The following BCAM variants were observed in gnomAD, a reference collection of about 807,000 sequenced individuals.
BCAM encodes the protein basal cell adhesion molecule (Lutheran blood group).
A neutral mutation model predicts 72.4 loss-of-function variants in BCAM; 61 were observed. The observed-to-expected ratio is 0.84, with a 90% confidence interval of 0.69 to 1.04. The LOEUF is 1.04. Ranked by LOEUF, BCAM falls within the 50% of genes least tolerant of loss-of-function variation. BCAM has a pLI of 0.00. For missense variants in BCAM, 909 were observed against 895.0 expected (o/e 1.02, Z -0.20); for synonymous variants, 408 against 384.2 (o/e 1.06, Z -0.73).
chr19:44,811,446 C>T, intron 2 of BCAM, 100 bp downstream of exon 2: 1 of 1,563,932 alleles, frequency 6.4e-7, no homozygotes, highest in Non-Finnish European at 8.7e-7. Flanking sequence ...TCCACCAAGC[C>T]ACACTCCTTG....
chr19:44,814,552 C>A lies in BCAM; in HGVS notation c.922-52C>A. The A allele has an allele frequency of 1.3e-6, 2 of 1,588,168 alleles. No individual in the cohort carries two copies. The highest frequency in any genetic ancestry group is 1.7e-6 in the Non-Finnish European group (2 of 1,164,386). The stretch of plus-strand genomic sequence containing the variant: ...TGGTGGCTTCTGACCTAGCATGAGC[C>A]CGCTGAACCGGGGTGGCTTCTGAGC... On this transcript the variant is annotated intron_variant, in intron 7 of 14. Coordinates refer to ENST00000270233, the MANE Select transcript of BCAM (RefSeq NM_005581.5). This position sits in a 1 kb window ranked among gnomAD's most constrained non-coding sequence, Gnocchi z 4.6.
At position 44,821,315 on chromosome 19, in the gene BCAM, C is replaced by T. The variant is rs866489052; in HGVS notation, c.*394C>T. 14 of 202,856 alleles carry T rather than the reference C, an allele frequency of 6.9e-5. No individual in the cohort carries two copies. The highest frequency in any genetic ancestry group is 1.5e-4 in the South Asian group (1 of 6,474). 12.6% of individuals were successfully genotyped at this position (202,856 alleles called of 1,614,324 possible). On this transcript the variant is annotated 3_prime_UTR_variant, in exon 15 of 15. Coordinates refer to ENST00000270233, the MANE Select transcript of BCAM (RefSeq NM_005581.5). The stretch of plus-strand genomic sequence containing the variant: ...AGAGTCTGACACTGGATTCCCCCCC[C>T]TCACCCCGCCCCTGGTCCCACTCCT...
At chr19:44,820,210 TCA>T in intron 13 of BCAM, 11 of 947,040 alleles carry the variant, frequency 1.2e-5, no homozygotes, top group Non-Finnish European at 1.3e-5. Context: ...CCCCCTGAGC[TCA>T]CCCTTAACTC....
intron 8 of BCAM, among the ~76,000 whole-genome samples, chr19:44,816,958 C>T (rs984557125): frequency 1.2e-4 from 18 of 150,616 alleles, no homozygotes; most frequent in South Asian, 6.3e-4. Context: ...AGAAATTGGC[C>T]GGGCACGGTG....
intron 8 of BCAM, among the ~76,000 whole-genome samples, chr19:44,817,174 T>C (rs1968513448): frequency 1.3e-5 from 2 of 152,034 alleles, no homozygotes; most frequent in Admixed American, 1.3e-4. Context: ...GAGGCAGAGC[T>C]TGCAGTGAGC....
In BCAM at chr19:44,813,431, C is replaced by G. The variant is rs774307982; in HGVS notation, c.602-7C>G. On this transcript the variant is annotated splice_region_variant and splice_polypyrimidine_tract_variant and intron_variant, in intron 5 of 14. Coordinates refer to ENST00000270233, the MANE Select transcript of BCAM (RefSeq NM_005581.5). The surrounding 1 kb of genome is among the most constrained non-coding windows in gnomAD (Gnocchi z 4.2). Reference sequence around the variant, plus strand: ...GGCTGACTGCCACCTCCCCCGATCTCTCCCAGAGGGCTACATGACCAGCCG... The same window carrying G: ...GGCTGACTGCCACCTCCCCCGATCTGTCCCAGAGGGCTACATGACCAGCCG... 58 of 1,610,320 alleles carry G rather than the reference C, an allele frequency of 3.6e-5. No individual in the cohort carries two copies. Among genetic ancestry groups the G allele is most frequent in the Non-Finnish European group, 4.7e-5 (56 of 1,179,060 alleles).
rs1968525053 is a variant in BCAM, at chr19:44,818,019, C to A, written c.1079-503C>A. Among the ~76,000 whole-genome samples, 1 of 152,188 alleles carries A rather than the reference C, an allele frequency of 6.6e-6. No individual in the cohort carries two copies. Reference sequence around the variant, plus strand: ...GATAAAGACTTGCTGAGGCCAGGAGCAGGGGCTCACGCCTGTGATCCTAGC... The same window carrying A: ...GATAAAGACTTGCTGAGGCCAGGAGAAGGGGCTCACGCCTGTGATCCTAGC... On this transcript the variant is annotated intron_variant, in intron 8 of 14. Transcript: ENST00000270233. The surrounding 1 kb of genome is among the most constrained non-coding windows in gnomAD (Gnocchi z 4.6).
Position 44,812,407 on chromosome 19 carries a change from C to G in BCAM, c.433+16C>G, listed in dbSNP as rs1968436839. ...AACGTGTTTGGTAAGTGTCCTCGGG[C>G]ATCCCCCGAAGGGAGGCAGGCAGGG... On this transcript the variant is annotated intron_variant, in intron 3 of 14. Coordinates refer to ENST00000270233, the MANE Select transcript of BCAM (RefSeq NM_005581.5). This position sits in a 1 kb window ranked among gnomAD's most constrained non-coding sequence, Gnocchi z 5.3. 1 of 1,613,924 alleles carries G rather than the reference C, an allele frequency of 6.2e-7. No homozygotes were observed.
rs574305977 is a variant in BCAM, at chr19:44,809,884, G to T, written c.82+678G>T. 2.1e-4 allele frequency among the ~76,000 whole-genome samples: 32 copies of T among 151,430 alleles called. No individual in the cohort carries two copies. The East Asian group carries it at 5.1e-3, about 24-fold the overall frequency. On this transcript the variant is annotated intron_variant, in intron 1 of 14. Transcript: ENST00000270233. Reference sequence around the variant, plus strand: ...CCGGGGGCTGGGGGGTGGGGGTGGGGGTGCTGGGGACAGAGGGACAGAGAG... The same window carrying T: ...CCGGGGGCTGGGGGGTGGGGGTGGGTGTGCTGGGGACAGAGGGACAGAGAG...
At chr19:44,820,555 C>A in intron 13 of BCAM, 150 bp from the exon 14 acceptor site, 1 of 1,290,948 alleles carries the variant, frequency 7.7e-7, no homozygotes, top group East Asian at 3.2e-5. Context: ...CAGCCCCTAC[C>A]CCATCCCTAT....
Position 44,821,155 on chromosome 19 carries a change from C to T in BCAM, c.*234C>T, listed in dbSNP as rs544318446. On this transcript the variant is annotated 3_prime_UTR_variant, in exon 15 of 15. Transcript: ENST00000270233. ...GGGGGCCTTCCTCCAGGGAATGTGA[C>T]TCTCCCAGGCCCCAGAATAGCTCCT... 58 of 538,546 alleles carry T rather than the reference C, an allele frequency of 1.1e-4. 1 individual carries two copies. The South Asian group carries it at 1.7e-3, about 16-fold the overall frequency. 33.4% of individuals were successfully genotyped at this position (538,546 alleles called of 1,614,324 possible).
chr19:44,814,133 C>G lies in BCAM; in HGVS notation c.785-19C>G. On this transcript the variant is annotated intron_variant, in intron 6 of 14. Coordinates refer to ENST00000270233, the MANE Select transcript of BCAM (RefSeq NM_005581.5). The surrounding 1 kb of genome is among the most constrained non-coding windows in gnomAD (Gnocchi z 4.6). ...CCCTTCCCCTGATCACAATTCCCAT[C>G]TCCCTGCCCTTCCCTTAGATCCCAC... The G allele has an allele frequency of 6.4e-7, 1 of 1,569,024 alleles. No homozygotes were observed. Among genetic ancestry groups the G allele is most frequent in the Non-Finnish European group, 8.6e-7 (1 of 1,165,186 alleles).
rs558083496 is a variant in BCAM, at chr19:44,813,773, C to T, written c.784+153C>T. ...GCTAGTGCTGGCCACTGACCTCTGA[C>T]CTCAATTGGTCGCACAAGCCCCATC... is the stretch of plus-strand genomic sequence containing the variant. On this transcript the variant is annotated intron_variant, in intron 6 of 14. Transcript: ENST00000270233. This position sits in a 1 kb window ranked among gnomAD's most constrained non-coding sequence, Gnocchi z 4.2. 6.6e-5 allele frequency: 75 copies of T among 1,132,608 alleles called. No homozygotes were observed. The South Asian group carries it at 1.1e-3, about 16-fold the overall frequency. 70.2% of individuals were successfully genotyped at this position (1,132,608 alleles called of 1,614,324 possible). A position where few individuals can be genotyped will look rare whatever the true frequency, so the allele number is the denominator to read the frequency against.
chr19:44,814,895 G>T lies in BCAM; in HGVS notation c.1078+135G>T. 11 of 1,029,168 alleles carry T rather than the reference G, an allele frequency of 1.1e-5. No individual in the cohort carries two copies. Among genetic ancestry groups the T allele is most frequent in the Admixed American group, 3.6e-5 (1 of 27,536 alleles). The allele number at this position is 1,029,168 out of a possible 1,614,324, so 63.8% of individuals were successfully genotyped here. On this transcript the variant is annotated intron_variant, in intron 8 of 14. Coordinates refer to ENST00000270233, the MANE Select transcript of BCAM (RefSeq NM_005581.5). The surrounding 1 kb of genome is among the most constrained non-coding windows in gnomAD (Gnocchi z 4.6). ...CAACCCTTTCTCTGCATTTCTTGGGGGTTTTTTTGGTTGTTTTTTTTTTTT... is the reference window on the plus strand; with the variant it reads ...CAACCCTTTCTCTGCATTTCTTGGGTGTTTTTTTGGTTGTTTTTTTTTTTT...
Position 44,811,165 on chromosome 19 carries a change from C to G in BCAM, c.83-60C>G, listed in dbSNP as rs545413883. ...GCTTGTGTCCTGGGGGAGAGGGGACCCTGTCTGGAGGGCTCTTCCTGTTGG... is the reference window on the plus strand; with the variant it reads ...GCTTGTGTCCTGGGGGAGAGGGGACGCTGTCTGGAGGGCTCTTCCTGTTGG... On this transcript the variant is annotated intron_variant, in intron 1 of 14. Coordinates refer to ENST00000270233, the MANE Select transcript of BCAM (RefSeq NM_005581.5). The G allele has an allele frequency of 2.8e-5, 45 of 1,607,738 alleles. 1 individual carries two copies. In the African/African-American group the frequency reaches 4.0e-4, roughly 14 times the overall value.
rs1968529752 is a variant in BCAM, at chr19:44,818,460, G to A, written c.1079-62G>A. On this transcript the variant is annotated intron_variant, in intron 8 of 14. Transcript: ENST00000270233. This position sits in a 1 kb window ranked among gnomAD's most constrained non-coding sequence, Gnocchi z 4.6. The stretch of plus-strand genomic sequence containing the variant: ...CATGTTTGCACCCCCGACCGCCCCT[G>A]GAGAGCCCCTAATTGAGTGGGTGGC... 1 of 1,418,820 alleles carries A rather than the reference G, an allele frequency of 7.0e-7. No individual in the cohort carries two copies. Among genetic ancestry groups the A allele is most frequent in the Non-Finnish European group, 9.9e-7 (1 of 1,013,194 alleles). The allele number at this position is 1,418,820 out of a possible 1,614,324, so 87.9% of individuals were successfully genotyped here. A position where few individuals can be genotyped will look rare whatever the true frequency, so the allele number is the denominator to read the frequency against.
At chr19:44,820,523 A>G in intron 13 of BCAM, 182 bp from the exon 14 acceptor site, 1 of 1,278,646 alleles carries the variant, frequency 7.8e-7, no homozygotes, top group African/African-American at 1.5e-5. Flanking sequence ...CCCATGCCCA[A>G]CCCTAACCCC....
intron 2 of BCAM, 66 bp downstream of exon 2, chr19:44,811,412 A>G: frequency 5.6e-6 from 9 of 1,601,456 alleles, no homozygotes; most frequent in Non-Finnish European, 7.7e-6. Flanking sequence ...TCATTCTCTC[A>G]TCAGTGCCTA....
chr19:44,814,298 C>T lies in BCAM; in HGVS notation c.921+10C>T, dbSNP rs936160604. 3.1e-6 allele frequency: 5 copies of T among 1,588,696 alleles called. No individual in the cohort carries two copies. In the African/African-American group the frequency reaches 6.8e-5, roughly 22 times the overall value. On this transcript the variant is annotated intron_variant, in intron 7 of 14. Transcript: ENST00000270233. This position sits in a 1 kb window ranked among gnomAD's most constrained non-coding sequence, Gnocchi z 4.6. ...GCTTTTCCGCCTTCAGGTGACCCAC[C>T]CAAGGGTCCCTCTGGGATCCACCCC...
Sources: allele counts gnomAD v4.1 joint callset (sites outside exome capture counted in the v4.1 genomes callset), GRCh38; gene constraint gnomAD v4.1.1; non-coding constraint Gnocchi (gnomAD v3.1); transcripts MANE v1.5; gene names NCBI Gene and HGNC (gene_info 2026-07-23, HGNC 2026-07-21).